Variants in HECW2 observed in about 807,000 individuals in gnomAD.
The protein encoded by HECW2 is E3 ubiquitin-protein ligase HECW2.
HECW2 carries 61 observed loss-of-function variants against 175.2 expected under a neutral mutation model. The ratio of observed to expected loss-of-function variants is 0.35; its 90% confidence interval spans 0.28 to 0.43. HECW2 has a LOEUF of 0.43. HECW2 is among the 20% of genes least tolerant of loss of function. The pLI is 1.00. For missense variants in HECW2, 1,524 were observed against 2,000.5 expected (o/e 0.76, Z 4.54); for synonymous variants, 671 against 731.0 (o/e 0.92, Z 1.32).
rs1420979177 is a variant in HECW2 at position 196,306,611 on chromosome 2, A to G, written c.2691T>C (p.Asp897=). 4.3e-6 allele frequency: 7 copies of G among 1,611,560 alleles called. No individual in the cohort carries two copies. Among genetic ancestry groups the G allele is most frequent in the Non-Finnish European group, 5.9e-6 (7 of 1,178,884 alleles). Reference sequence around the variant, plus strand: ...GAGGCAGGATGTTCTCCCGTCGGAAATCTAGATGGGGCAGACCACAGAGGC... The same window carrying G: ...GAGGCAGGATGTTCTCCCGTCGGAAGTCTAGATGGGGCAGACCACAGAGGC... ...EEADFHQASA[D]FRRENILPHS... The change falls in exon 13 of 29, where the codon GAT becomes GAC. Residue 897 remains aspartate, a splice_region_variant and synonymous_variant. Transcript: ENST00000644978.
At chr2:196,418,873 G>A (rs2125242188) in intron 2 of HECW2, among the ~76,000 whole-genome samples, 1 of 152,276 alleles carries the variant, frequency 6.6e-6, no homozygotes, top group Middle Eastern at 3.4e-3. Context: ...CTGGTACATT[G>A]TAAAGTTCTA....
At chr2:196,583,707 C>G (rs1477645354) in intron 1 of HECW2, among the ~76,000 whole-genome samples, 1 of 152,164 alleles carries the variant, frequency 6.6e-6, no homozygotes, top group Non-Finnish European at 1.5e-5. Context: ...AATATCTGAT[C>G]TATATAAATA....
chr2:196,239,349 G>A (rs1688366410), intron 21 of HECW2: 1 of 152,276 alleles, frequency 6.6e-6, no homozygotes, highest in Non-Finnish European at 1.5e-5. Flanking sequence ...ATGGGCTGGA[G>A]TGCAGGAGTT....
Position 196,322,573 on chromosome 2 carries a change from A to G in HECW2, c.789T>C (p.Ile263=), listed in dbSNP as rs1691990035. 4 of 1,613,450 alleles carry G rather than the reference A, an allele frequency of 2.5e-6. No individual in the cohort carries two copies. The highest frequency in any genetic ancestry group is 3.3e-4 in the Middle Eastern group (2 of 6,060). ...GACGGCTCTTGGCAAATTTGTCTTT[A>G]ATTTCAATTTCTAAGACATCAGTAA... is the stretch of plus-strand genomic sequence containing the variant. ...ALLTDVLEIE[I]KDKFAKSRPI... Residue 263 remains isoleucine, a synonymous_variant, in exon 7 of 29, where the codon ATT becomes ATC. Transcript: ENST00000644978.
intron 19 of HECW2, among the ~76,000 whole-genome samples, chr2:196,247,798 T>C (rs184146872): frequency 5.3e-5 from 8 of 152,344 alleles, no homozygotes; most frequent in Admixed American, 3.3e-4. Context: ...TCTGGGTGTG[T>C]GACCCAGAAC....
At chr2:196,461,041 C>T (rs949312661) in intron 1 of HECW2, among the ~76,000 whole-genome samples, 10 of 152,116 alleles carry the variant, frequency 6.6e-5, no homozygotes, top group Non-Finnish European at 1.5e-4. Flanking sequence ...AACTCACTCT[C>T]TGTCTCCTCC....
At chr2:196,574,541 CAAAT>C (rs1414732664) in intron 1 of HECW2, among the ~76,000 whole-genome samples, 8 of 151,866 alleles carry the variant, frequency 5.3e-5, no homozygotes, top group Admixed American at 3.3e-4. Context: ...AAGATACAGA[CAAAT>C]AAAAAGACAT....
At chr2:196,277,751 A>C (rs1690011461) in intron 15 of HECW2, among the ~76,000 whole-genome samples, 1 of 152,140 alleles carries the variant, frequency 6.6e-6, no homozygotes, top group African/African-American at 2.4e-5. Flanking sequence ...GATAGACTGG[A>C]TTAAGAAAAC....
intron 1 of HECW2, among the ~76,000 whole-genome samples, chr2:196,542,167 G>A (rs1401920012): frequency 6.6e-6 from 1 of 151,820 alleles, no homozygotes; most frequent in Non-Finnish European, 1.5e-5. Context: ...AGGAGGCTGA[G>A]GCAGGAGAAT....
At position 196,197,842 on chromosome 2, in the gene HECW2, G is replaced by A. The variant is rs1208130131; in HGVS notation, c.*3435C>T. Reference sequence around the variant, plus strand: ...GAGGAGCTAAACGGACGATGTACCTGACAGCACTTTGAAACTATAAAGCAC... The same window carrying A: ...GAGGAGCTAAACGGACGATGTACCTAACAGCACTTTGAAACTATAAAGCAC... On this transcript the variant is annotated 3_prime_UTR_variant, in exon 29 of 29. Coordinates refer to ENST00000644978, the MANE Select transcript of HECW2 (RefSeq NM_001348768.2). The A allele has an allele frequency of 6.6e-6, 1 of 152,196 alleles. No homozygotes were observed. Among genetic ancestry groups the A allele is most frequent in the Non-Finnish European group, 1.5e-5 (1 of 68,028 alleles). The allele number at this position is 152,196 out of a possible 1,614,324, so 9.4% of individuals were successfully genotyped here. A position where few individuals can be genotyped will look rare whatever the true frequency, so the allele number is the denominator to read the frequency against.
intron 15 of HECW2, among the ~76,000 whole-genome samples, chr2:196,278,149 T>TATATATATATATATATATATAA (rs1481136211): frequency 6.7e-5 from 8 of 119,596 alleles, no homozygotes; most frequent in African/African-American, 1.9e-4. Flanking sequence ...TATATATATA[T>TATATATATATATATATATATAA]ATAAAGAAAT....
At chr2:196,532,856 G>C (rs1397075084) in intron 1 of HECW2, among the ~76,000 whole-genome samples, 1 of 152,140 alleles carries the variant, frequency 6.6e-6, no homozygotes, top group African/African-American at 2.4e-5. Context: ...AAGGAGGAGG[G>C]ACACATTAAT....
intron 14 of HECW2, among the ~76,000 whole-genome samples, chr2:196,282,100 C>G (rs1237312282): frequency 1.3e-5 from 2 of 152,098 alleles, no homozygotes; most frequent in Admixed American, 1.3e-4. Flanking sequence ...CTTGCTAAAG[C>G]CCATACACAA....
intron 2 of HECW2, among the ~76,000 whole-genome samples, chr2:196,411,924 C>G (rs953270562): frequency 6.6e-6 from 1 of 152,196 alleles, no homozygotes; most frequent in Non-Finnish European, 1.5e-5. Flanking sequence ...GCAGGAGAAT[C>G]AGTTGAGCCC....
At chr2:196,464,982 G>A (rs1041217306) in intron 1 of HECW2, among the ~76,000 whole-genome samples, 2 of 152,060 alleles carry the variant, frequency 1.3e-5, no homozygotes, top group African/African-American at 2.4e-5. Flanking sequence ...GTGGAGGTGA[G>A]CCGAAATCGC....
intron 1 of HECW2, among the ~76,000 whole-genome samples, chr2:196,467,017 T>C (rs1696981006): frequency 6.6e-6 from 1 of 152,238 alleles, no homozygotes; most frequent in Non-Finnish European, 1.5e-5. Flanking sequence ...CCTGCTGCCA[T>C]GTCACTTGGT....
rs189052584 is a variant in HECW2, at chr2:196,488,514, T to C, written c.-35-55056A>G. Among the ~76,000 whole-genome samples the C allele has an allele frequency of 1.3e-4, 20 of 152,270 alleles. No individual in the cohort carries two copies. The South Asian group carries it at 3.1e-3, about 24-fold the overall frequency. On this transcript the variant is annotated intron_variant, in intron 1 of 28. Transcript: ENST00000644978. ...TAAAGTAATGTTACAGAAGGAGATG[T>C]AATGGCATGGAGAAATGTTTATTCC...
intron 2 of HECW2, among the ~76,000 whole-genome samples, chr2:196,404,856 G>T (rs546722393): frequency 1.6e-4 from 18 of 110,160 alleles, no homozygotes; most frequent in African/African-American, 6.2e-4. Context: ...ACATAGTCTC[G>T]CTCTGTCACC....
chr2:196,464,907 T>G (rs2125335148), intron 1 of HECW2, among the ~76,000 whole-genome samples: 1 of 152,234 alleles, frequency 6.6e-6, no homozygotes, highest in Middle Eastern at 3.4e-3. Context: ...TCAGGAATGG[T>G]GGCGCACACC....
Sources: allele counts gnomAD v4.1 joint callset (sites outside exome capture counted in the v4.1 genomes callset), GRCh38; gene constraint gnomAD v4.1.1; transcripts MANE v1.5; gene names NCBI Gene and HGNC (gene_info 2026-07-23, HGNC 2026-07-21).